CMBL: variants seen among roughly 807,000 people sequenced by gnomAD.
The protein encoded by CMBL is carboxymethylenebutenolidase homolog (Pseudomonas).
CMBL carries 17 observed loss-of-function variants against 28.7 expected under a neutral mutation model. That is an observed-to-expected ratio of 0.59 (90% CI 0.41 to 0.89). The LOEUF (loss-of-function observed/expected upper bound fraction) is 0.89, where lower values mean the gene tolerates loss of function less well. Ranked by LOEUF, CMBL falls within the 40% of genes least tolerant of loss-of-function variation. The pLI is 0.00. For missense variants in CMBL, 310 were observed against 298.5 expected, an observed-to-expected ratio of 1.04 and a Z score of -0.28; for synonymous variants, 106 against 101.6, an observed-to-expected ratio of 1.04 and a Z score of -0.26.
chr5:10,296,912 C>T (rs1191529685), intron 1 of CMBL, among the ~76,000 whole-genome samples: 5 of 152,162 alleles, frequency 3.3e-5, no homozygotes, highest in Admixed American at 2.0e-4. Flanking sequence ...AGACTGGGCG[C>T]GGTGGCTCAC....
At chr5:10,299,255 T>C (rs995258353) in intron 1 of CMBL, among the ~76,000 whole-genome samples, 2 of 152,026 alleles carry the variant, frequency 1.3e-5, no homozygotes, top group Non-Finnish European at 2.9e-5. Flanking sequence ...ATAGAAAAAT[T>C]CATATGAATG....
chr5:10,288,589 T>C, intron 2 of CMBL, 60 bp from the exon 3 acceptor site: 1 of 1,297,906 alleles, frequency 7.7e-7, no homozygotes, highest in South Asian at 1.2e-5. Flanking sequence ...AGTATTTTGC[T>C]TGCATTTATT....
At chr5:10,282,314 T>G in intron 4 of CMBL, 26 bp from the exon 5 acceptor site, 2 of 1,349,896 alleles carry the variant, frequency 1.5e-6, no homozygotes, top group Non-Finnish European at 2.1e-6. Flanking sequence ...AGAGGCATGA[T>G]GTCTGATCCC....
At position 10,307,750 on chromosome 5, in the gene CMBL, G is replaced by A. The variant is rs1747024338; in HGVS notation, c.-145C>T. 6.6e-6 allele frequency: 1 copy of A among 152,452 alleles called. No individual in the cohort carries two copies. Among genetic ancestry groups the A allele is most frequent in the African/African-American group, 2.4e-5 (1 of 41,446 alleles). The allele number at this position is 152,452 out of a possible 1,614,324, so 9.4% of individuals were successfully genotyped here. A position where few individuals can be genotyped will look rare whatever the true frequency, so the allele number is the denominator to read the frequency against. On this transcript the variant is annotated 5_prime_UTR_variant, in exon 1 of 6. Coordinates refer to ENST00000296658, the MANE Select transcript of CMBL (RefSeq NM_138809.4). ...GACCGAGGACGCGGGGATCCTGCGG[G>A]ACCAGTGGCTCCAGTCGTAGCCTCC...
At chr5:10,287,290 A>T (rs996830569) in intron 3 of CMBL, among the ~76,000 whole-genome samples, 2 of 152,236 alleles carry the variant, frequency 1.3e-5, no homozygotes, top group Admixed American at 6.5e-5. Flanking sequence ...TACACCATAG[A>T]CTATACTCAG....
intron 5 of CMBL, 97 bp from the exon 6 acceptor site, chr5:10,280,729 G>T: frequency 1.9e-6 from 2 of 1,056,362 alleles, no homozygotes; most frequent in Non-Finnish European, 2.7e-6. Flanking sequence ...TAACATCAAT[G>T]CTTTAAATCA....
intron 1 of CMBL, among the ~76,000 whole-genome samples, chr5:10,299,057 T>A (rs1431709356): frequency 6.6e-6 from 1 of 152,152 alleles, no homozygotes; most frequent in Non-Finnish European, 1.5e-5. Context: ...ATTGCATTAA[T>A]AAGATAGTAA....
At chr5:10,290,092 TCTAATTCAGAGGGGG>T (rs1271595928) in intron 2 of CMBL, among the ~76,000 whole-genome samples, 1 of 152,080 alleles carries the variant, frequency 6.6e-6, no homozygotes, top group Non-Finnish European at 1.5e-5. Context: ...TGAACCCCAG[TCTAATTCAGAGGGGG>T]CCACGACCGT....
At chr5:10,292,419 C>T (rs1322644701) in intron 1 of CMBL, among the ~76,000 whole-genome samples, 1 of 152,164 alleles carries the variant, frequency 6.6e-6, no homozygotes, top group East Asian at 1.9e-4. Context: ...ATTATATTGT[C>T]CAGGTTGGTC....
intron 1 of CMBL, among the ~76,000 whole-genome samples, chr5:10,298,732 A>T (rs1746847556): frequency 6.6e-6 from 1 of 152,208 alleles, no homozygotes; most frequent in African/African-American, 2.4e-5. Context: ...GTTTCTACTA[A>T]AAATACAAAA....
At chr5:10,284,153 T>G (rs1285855170) in intron 4 of CMBL, among the ~76,000 whole-genome samples, 2 of 152,176 alleles carry the variant, frequency 1.3e-5, no homozygotes, top group Non-Finnish European at 2.9e-5. Flanking sequence ...GCTCTGCAGC[T>G]CACGCACTAC....
intron 1 of CMBL, among the ~76,000 whole-genome samples, chr5:10,305,185 T>C (rs1746975443): frequency 6.6e-6 from 1 of 152,118 alleles, no homozygotes; most frequent in Non-Finnish European, 1.5e-5. Context: ...AGGACGCTTT[T>C]CCTAGCTCTG....
At chr5:10,299,421 C>T (rs1162611361) in intron 1 of CMBL, among the ~76,000 whole-genome samples, 2 of 152,174 alleles carry the variant, frequency 1.3e-5, no homozygotes, top group African/African-American at 2.4e-5. Context: ...GATGATGGTA[C>T]ACTTGTAGGG....
intron 1 of CMBL, among the ~76,000 whole-genome samples, chr5:10,306,826 T>C (rs1432753326): frequency 6.6e-6 from 1 of 152,176 alleles, no homozygotes; most frequent in African/African-American, 2.4e-5. Flanking sequence ...CTCTTAGACA[T>C]GCCAACGACG....
Position 10,278,420 on chromosome 5 carries a change from G to A in CMBL, c.*2033C>T, listed in dbSNP as rs1012525631. ...CCCCCACACCCACATGGACCATGCC[G>A]ATATCCTACCCACACCGACCCCTCT... On this transcript the variant is annotated 3_prime_UTR_variant, in exon 6 of 6. Transcript: ENST00000296658. Among the ~76,000 whole-genome samples, 15 of 152,032 alleles carry A rather than the reference G, an allele frequency of 9.9e-5. No individual in the cohort carries two copies. Among genetic ancestry groups the A allele is most frequent in the African/African-American group, 4.8e-5 (2 of 41,402 alleles).
rs1358514574 is a variant in CMBL at position 10,290,598 on chromosome 5, C to G, written c.165G>C (p.Gln55His). 1.9e-6 allele frequency: 3 copies of G among 1,614,204 alleles called. No homozygotes were observed. The South Asian group carries it at 3.3e-5, about 18-fold the overall frequency. Reference protein sequence around the residue: ...VIVIQDIFGWQLPNTRYIADM... With the variant: ...VIVIQDIFGWHLPNTRYIADM... The stretch of plus-strand genomic sequence containing the variant: ...CAGCTATATATCTGGTATTGGGCAA[C>G]TGCCAGCCAAATATATCTTGAATGA... The change falls in exon 2 of 6, where the codon CAG (glutamine) becomes CAC (histidine). Residue 55 changes from glutamine to histidine, a missense_variant. By Grantham distance (24) the Gln-to-His change is conservative. Transcript: ENST00000296658.
intron 1 of CMBL, among the ~76,000 whole-genome samples, chr5:10,295,303 C>CA (rs1746790586): frequency 6.6e-6 from 1 of 152,272 alleles, no homozygotes. Flanking sequence ...AGGCTGGTCT[C>CA]AAACTCCTGA....
chr5:10,282,778 TCAAAA>T lies in CMBL; in HGVS notation c.467-495_467-491del, dbSNP rs539249552. On this transcript the variant is annotated intron_variant, in intron 4 of 5. Transcript: ENST00000296658. Reference sequence around the variant, plus strand: ...GCTTGGGCAACAAAGTGAGACCCCGTCAAAACAAAACAAACAAACAAAAAACCCAA... The same window carrying T: ...GCTTGGGCAACAAAGTGAGACCCCGTCAAAACAAACAAACAAAAAACCCAA... 7.3e-3 allele frequency among the ~76,000 whole-genome samples: 1,105 copies of T among 150,342 alleles called. 14 individuals are homozygous for T. Among genetic ancestry groups the T allele is most frequent in the African/African-American group, 0.025 (1,018 of 40,846 alleles).
chr5:10,284,999 T>A (rs571789448), intron 4 of CMBL, among the ~76,000 whole-genome samples: 1 of 151,664 alleles, frequency 6.6e-6, no homozygotes, highest in African/African-American at 2.4e-5. Flanking sequence ...TTTCCTTTTT[T>A]TTTTTTATTT....
Sources: allele counts gnomAD v4.1 joint callset (sites outside exome capture counted in the v4.1 genomes callset), GRCh38; gene constraint gnomAD v4.1.1; transcripts MANE v1.5; gene names NCBI Gene and HGNC (gene_info 2026-07-23, HGNC 2026-07-21).